Variants in KCNIP3 observed in about 807,000 individuals in gnomAD.
The protein encoded by KCNIP3 is potassium voltage-gated channel interacting protein 3, also known as calsenilin.
In KCNIP3, 28 loss-of-function variants were observed where a neutral mutation model predicts 35.0. The ratio of observed to expected loss-of-function variants is 0.80; its 90% CI spans 0.59 to 1.10. KCNIP3 has a LOEUF of 1.10. Among genes scored for constraint, KCNIP3 ranks in the 50% least tolerant of loss-of-function variants. KCNIP3 has a pLI of 0.00. For synonymous variants in KCNIP3, 134 were observed against 133.8 expected (o/e 1.00, Z -0.01); for missense variants, 295 against 338.4 (o/e 0.87, Z 1.01).
intron 1 of KCNIP3, among the ~76,000 whole-genome samples, chr2:95,299,650 G>A (rs1424325173): frequency 1.3e-5 from 2 of 152,252 alleles, no homozygotes; most frequent in Non-Finnish European, 2.9e-5. Context: ...TGCGACAGGC[G>A]CTGCTGTCGC....
intron 2 of KCNIP3, among the ~76,000 whole-genome samples, chr2:95,345,720 G>A (rs1187210967): frequency 6.6e-6 from 1 of 152,258 alleles, no homozygotes; most frequent in Admixed American, 6.5e-5. Flanking sequence ...GGCAGCAGAG[G>A]GCCAGGCTCC....
At position 95,373,834 on chromosome 2, in the gene KCNIP3, C is replaced by T. The variant is rs1171335763; in HGVS notation, c.182-462C>T. Among the ~76,000 whole-genome samples the T allele has an allele frequency of 3.9e-5, 6 of 152,360 alleles. No homozygotes were observed. The East Asian group carries it at 7.7e-4, about 20-fold the overall frequency. On this transcript the variant is annotated intron_variant, in intron 2 of 8. Coordinates refer to ENST00000295225, the MANE Select transcript of KCNIP3 (RefSeq NM_013434.5). ...TCTGCCAACTGTAGCTGAACAGCATCGCCTTAGGCCTTGAGGGCCAAGGGA... is the reference window on the plus strand; with the variant it reads ...TCTGCCAACTGTAGCTGAACAGCATTGCCTTAGGCCTTGAGGGCCAAGGGA...
rs1677891367 is a variant in KCNIP3 at position 95,297,454 on chromosome 2, G to A, written c.15+1G>A. The A allele has an allele frequency of 6.5e-7, 1 of 1,543,660 alleles. No individual in the cohort carries two copies. On this transcript the variant is annotated splice_donor_variant, in intron 1 of 8. Coordinates refer to ENST00000295225, the MANE Select transcript of KCNIP3 (RefSeq NM_013434.5). LOFTEE classifies it high-confidence loss of function. ...AGCGCCCAGGATGCAGCCGGCTAAG[G>A]TAGGTGCTGGGGGAATGGGGTCTTG...
intron 2 of KCNIP3, among the ~76,000 whole-genome samples, chr2:95,325,984 TACACACTCAC>T (rs961188902): frequency 3.8e-5 from 5 of 132,712 alleles, no homozygotes; most frequent in East Asian, 4.8e-4. Context: ...CATACACTCC[TACACACTCAC>T]ACACACTCAG....
In KCNIP3 at chr2:95,382,788, C is replaced by T. The variant is rs1294350851; in HGVS notation, c.660+307C>T. On this transcript the variant is annotated intron_variant, in intron 7 of 8. Transcript: ENST00000295225. This position sits in a 1 kb window ranked among gnomAD's most constrained non-coding sequence, Gnocchi z 4.5. The stretch of plus-strand genomic sequence containing the variant: ...CCAGGAAGACGCTCTGGGAGAGGAG[C>T]AGGTTGGGGGCCTTCACCTGTATGC... Among the ~76,000 whole-genome samples, 2 of 152,198 alleles carry T rather than the reference C, an allele frequency of 1.3e-5. No individual in the cohort carries two copies. The highest frequency in any genetic ancestry group is 2.4e-5 in the African/African-American group (1 of 41,456).
At chr2:95,349,093 C>T (rs954932894) in intron 2 of KCNIP3, among the ~76,000 whole-genome samples, 2 of 152,120 alleles carry the variant, frequency 1.3e-5, no homozygotes, top group Non-Finnish European at 1.5e-5. Context: ...AGACACCCCC[C>T]CCCGCCCCCC....
chr2:95,375,433 T>C (rs1177868382), intron 5 of KCNIP3, among the ~76,000 whole-genome samples: 2 of 151,802 alleles, frequency 1.3e-5, no homozygotes, highest in Admixed American at 6.6e-5. Context: ...TTTCTTCCAT[T>C]TGAGAGTTTG....
At chr2:95,320,322 A>G (rs1424932138) in intron 2 of KCNIP3, among the ~76,000 whole-genome samples, 1 of 152,152 alleles carries the variant, frequency 6.6e-6, no homozygotes, top group Non-Finnish European at 1.5e-5. Flanking sequence ...GGTGTCAGCA[A>G]GTACTCAGGG....
At chr2:95,311,932 A>G (rs1678330015) in intron 2 of KCNIP3, 1 of 152,252 alleles carries the variant, frequency 6.6e-6, no homozygotes, top group Non-Finnish European at 1.5e-5. Context: ...GCACATGCAC[A>G]TAGCTCGACC....
intron 2 of KCNIP3, 144 bp downstream of exon 2, chr2:95,310,664 C>A: frequency 1.2e-6 from 1 of 840,046 alleles, no homozygotes; most frequent in Non-Finnish European, 1.9e-6. Context: ...TGTTTTCATT[C>A]ATTCACACCC....
intron 2 of KCNIP3, among the ~76,000 whole-genome samples, chr2:95,357,010 C>T (rs367867098): frequency 3.9e-5 from 6 of 152,160 alleles, no homozygotes; most frequent in East Asian, 3.9e-4. Context: ...GGGCCATGCT[C>T]GCCGGCGTGG....
intron 2 of KCNIP3, among the ~76,000 whole-genome samples, chr2:95,322,895 C>T (rs1477891730): frequency 6.6e-6 from 1 of 152,226 alleles, no homozygotes; most frequent in Non-Finnish European, 1.5e-5. Context: ...TCAGAGCACT[C>T]CTCAAACACT....
At chr2:95,357,568 T>C (rs1166134019) in intron 2 of KCNIP3, among the ~76,000 whole-genome samples, 1 of 152,054 alleles carries the variant, frequency 6.6e-6, no homozygotes, top group African/African-American at 2.4e-5. Flanking sequence ...CCCACAGGCC[T>C]TATGGGGATT....
Position 95,376,366 on chromosome 2 carries a change from C to G in KCNIP3, c.447+1158C>G, listed in dbSNP as rs1680186379. Among the ~76,000 whole-genome samples, 1 of 152,196 alleles carries G rather than the reference C, an allele frequency of 6.6e-6. No individual in the cohort carries two copies. The highest frequency in any genetic ancestry group is 2.1e-4 in the South Asian group (1 of 4,834). ...TTTTTCTTGTTCAGGAATGAGATGACTGAGAGGCTCGGCAGAGCCCCTGCT... is the reference window on the plus strand; with the variant it reads ...TTTTTCTTGTTCAGGAATGAGATGAGTGAGAGGCTCGGCAGAGCCCCTGCT... On this transcript the variant is annotated intron_variant, in intron 5 of 8. Transcript: ENST00000295225. The surrounding 1 kb of genome is among the most constrained non-coding windows in gnomAD (Gnocchi z 4.2).
At chr2:95,363,382 C>G (rs1679846971) in intron 2 of KCNIP3, among the ~76,000 whole-genome samples, 1 of 152,070 alleles carries the variant, frequency 6.6e-6, no homozygotes, top group African/African-American at 2.4e-5. Flanking sequence ...CCTTTTTTCC[C>G]ATAGCTTTCA....
At chr2:95,307,890 G>GC (rs1399743184) in intron 1 of KCNIP3, among the ~76,000 whole-genome samples, 1 of 152,218 alleles carries the variant, frequency 6.6e-6, no homozygotes, top group Non-Finnish European at 1.5e-5. Context: ...AGCACCTGCT[G>GC]CCCCTCTCTC....
At chr2:95,371,971 A>G (rs1002109870) in intron 2 of KCNIP3, among the ~76,000 whole-genome samples, 1 of 151,794 alleles carries the variant, frequency 6.6e-6, no homozygotes, top group Non-Finnish European at 1.5e-5. Flanking sequence ...CACCCGGCTC[A>G]TTTTTGTATT....
chr2:95,342,142 G>T (rs1036115671), intron 2 of KCNIP3, among the ~76,000 whole-genome samples: 1 of 152,194 alleles, frequency 6.6e-6, no homozygotes, highest in Non-Finnish European at 1.5e-5. Context: ...TCTGGTAGCT[G>T]CGAGTGTGAC....
chr2:95,326,026 C>T (rs1446086934), intron 2 of KCNIP3, among the ~76,000 whole-genome samples: 2 of 151,580 alleles, frequency 1.3e-5, no homozygotes, highest in Non-Finnish European at 2.9e-5. Flanking sequence ...CACATTCACT[C>T]ATACACACAT....
Sources: allele counts gnomAD v4.1 joint callset (sites outside exome capture counted in the v4.1 genomes callset), GRCh38; gene constraint gnomAD v4.1.1; non-coding constraint Gnocchi (gnomAD v3.1); transcripts MANE v1.5; gene names NCBI Gene and HGNC (gene_info 2026-07-23, HGNC 2026-07-21).